Variants in GLO1 observed in about 807,000 individuals in gnomAD.
GLO1 encodes lactoylglutathione lyase.
In GLO1, 28 loss-of-function variants were observed where a neutral mutation model predicts 26.0. The ratio of observed to expected loss-of-function variants is 1.08; its 90% confidence interval spans 0.80 to 1.48. The LOEUF is 1.48. Ranked by LOEUF, GLO1 falls within the 40% of genes most tolerant of loss-of-function variation. The probability of loss-of-function intolerance (pLI) is 0.00; values close to 1 mark genes in which losing one functional copy is unlikely to be tolerated. For synonymous variants in GLO1, 78 were observed against 77.6 expected (o/e 1.00, Z -0.03); for missense variants, 225 against 224.8 (o/e 1.00, Z -0.01).
At chr6:38,697,765 A>C (rs1761632895) in intron 1 of GLO1, among the ~76,000 whole-genome samples, 1 of 152,242 alleles carries the variant, frequency 6.6e-6, no homozygotes, top group African/African-American at 2.4e-5. Context: ...AAAAGTGAAC[A>C]AAGTGGTTTT....
Position 38,681,905 on chromosome 6 carries a change from C to T in GLO1, c.466+107G>A. ...TTTAAAACTCTGGTTGAAGTGGAGA[C>T]TTCTGTTACTTGTAGCCAAAAGGGT... On this transcript the variant is annotated intron_variant, in intron 5 of 5. Coordinates refer to ENST00000373365, the MANE Select transcript of GLO1 (RefSeq NM_006708.3). 5 of 691,358 alleles carry T rather than the reference C, an allele frequency of 7.2e-6. No homozygotes were observed. The South Asian group carries it at 8.7e-5, about 12-fold the overall frequency. 42.8% of individuals were successfully genotyped at this position (691,358 alleles called of 1,614,324 possible).
At chr6:38,679,458 G>T (rs925695136) in intron 5 of GLO1, among the ~76,000 whole-genome samples, 1 of 152,050 alleles carries the variant, frequency 6.6e-6, no homozygotes, top group African/African-American at 2.4e-5. Flanking sequence ...GCAATTACAG[G>T]CATGAGCCAC....
chr6:38,688,403 T>C lies in GLO1; in HGVS notation c.85-1429A>G, dbSNP rs77479798. ...ATATAAAGTCACTCTGTGGCTGCCA[T>C]GATGTGATACCAAAATAAAAAAAAA... On this transcript the variant is annotated intron_variant, in intron 1 of 5. Transcript: ENST00000373365. 4.8e-3 allele frequency among the ~76,000 whole-genome samples: 704 copies of C among 148,138 alleles called. 5 individuals carry two copies. Among genetic ancestry groups the C allele is most frequent in the African/African-American group, 0.016 (642 of 40,346 alleles).
chr6:38,678,906 C>T (rs999005542), intron 5 of GLO1, among the ~76,000 whole-genome samples: 8 of 152,132 alleles, frequency 5.3e-5, no homozygotes, highest in Non-Finnish European at 1.2e-4. Flanking sequence ...GCTTATCCAG[C>T]CCATTGTCCT....
chr6:38,691,247 G>GT (rs916574405), intron 1 of GLO1, among the ~76,000 whole-genome samples: 2 of 151,904 alleles, frequency 1.3e-5, no homozygotes, highest in Admixed American at 6.6e-5. Flanking sequence ...AAATAATAAG[G>GT]TTTTTTTCGG....
chr6:38,692,935 A>T (rs1761552748), intron 1 of GLO1, among the ~76,000 whole-genome samples: 1 of 151,080 alleles, frequency 6.6e-6, no homozygotes, highest in Admixed American at 6.6e-5. Context: ...CTGTTTACTA[A>T]CATTTTGTCA....
At chr6:38,687,089 G>A in intron 1 of GLO1, 115 bp from the exon 2 acceptor site, 1 of 1,468,008 alleles carries the variant, frequency 6.8e-7, no homozygotes, top group South Asian at 1.5e-5. Context: ...CCTACAACTT[G>A]CAAGGGCTCT....
intron 1 of GLO1, among the ~76,000 whole-genome samples, chr6:38,697,563 C>T (rs1287098262): frequency 6.6e-6 from 1 of 152,206 alleles, no homozygotes; most frequent in Non-Finnish European, 1.5e-5. Context: ...AAAGCTATGG[C>T]TTCCTTTCAA....
chr6:38,681,720 G>C (rs78817045), intron 5 of GLO1, among the ~76,000 whole-genome samples: 3 of 152,276 alleles, frequency 2.0e-5, no homozygotes, highest in African/African-American at 7.2e-5. Flanking sequence ...AGTGAAAGCT[G>C]GTGGCCAATG....
At position 38,686,892 on chromosome 6, in the gene GLO1, G is replaced by A. The variant is rs150725457; in HGVS notation, c.167C>T (p.Thr56Met). The A allele has an allele frequency of 5.3e-6, 8 of 1,519,272 alleles. No homozygotes were observed. The highest frequency in any genetic ancestry group is 1.7e-5 in the Admixed American group (1 of 59,680). The allele number at this position is 1,519,272 out of a possible 1,614,324, so 94.1% of individuals were successfully genotyped here. Reference sequence around the variant, plus strand: ...AGGTGCCAATAAGTACTTGACTTACGTCATTCCAAGAACTCTAGTATAAAA... The same window carrying A: ...AGGTGCCAATAAGTACTTGACTTACATCATTCCAAGAACTCTAGTATAAAA... ...LDFYTRVLGM[T>M]LIQKCDFPIM... Residue 56 changes from threonine to methionine, a missense_variant and splice_region_variant, in exon 2 of 6, where the codon ACG (threonine) becomes ATG (methionine). Physicochemically the swap from Thr to Met is moderately conservative, Grantham distance 81. Coordinates refer to ENST00000373365, the MANE Select transcript of GLO1 (RefSeq NM_006708.3).
At chr6:38,694,795 T>C (rs929208429) in intron 1 of GLO1, among the ~76,000 whole-genome samples, 1 of 152,246 alleles carries the variant, frequency 6.6e-6, no homozygotes, top group Non-Finnish European at 1.5e-5. Flanking sequence ...TTTAGTAACA[T>C]ATATTTATGA....
At chr6:38,697,302 G>A (rs1189816603) in intron 1 of GLO1, among the ~76,000 whole-genome samples, 1 of 152,150 alleles carries the variant, frequency 6.6e-6, no homozygotes, top group African/African-American at 2.4e-5. Flanking sequence ...TACTCAAAAC[G>A]GTATCTGTTA....
rs751878828 is a variant in GLO1, at chr6:38,703,005, A to G, written c.50T>C (p.Leu17Pro). 1 of 1,554,192 alleles carries G rather than the reference A, an allele frequency of 6.4e-7. No homozygotes were observed. The highest frequency in any genetic ancestry group is 1.4e-5 in the African/African-American group (1 of 72,512). Residue 17 changes from leucine (L) to proline (P), a missense_variant, in exon 1 of 6, where the codon CTC becomes CCC. Coordinates refer to ENST00000373365, the MANE Select transcript of GLO1 (RefSeq NM_006708.3). ...PSGGLTDEAA[L>P]SCCSDADPST... ...GGGGTCCGCGTCGGAGCAGCAACTGAGGGCGGCCTCGTCCGTGAGGCCGCC... is the reference window on the plus strand; with the variant it reads ...GGGGTCCGCGTCGGAGCAGCAACTGGGGGCGGCCTCGTCCGTGAGGCCGCC...
At chr6:38,685,263 G>C (rs1021544473) in intron 2 of GLO1, among the ~76,000 whole-genome samples, 1 of 152,132 alleles carries the variant, frequency 6.6e-6, no homozygotes, top group African/African-American at 2.4e-5. Context: ...AAATATTCTG[G>C]AACAAAGAAG....
At chr6:38,699,769 G>A (rs112436015) in intron 1 of GLO1, among the ~76,000 whole-genome samples, 2,339 of 152,050 alleles carry the variant, frequency 0.015, 81 homozygotes, top group African/African-American at 0.054. Context: ...TGGTCAGACC[G>A]CTTCTCTGCT....
chr6:38,679,270 G>T (rs1250872109), intron 5 of GLO1, among the ~76,000 whole-genome samples: 1 of 151,902 alleles, frequency 6.6e-6, no homozygotes, highest in Non-Finnish European at 1.5e-5. Context: ...CAGACTACAG[G>T]CATGTGCCAC....
intron 2 of GLO1, among the ~76,000 whole-genome samples, chr6:38,685,315 G>A (rs1482797570): frequency 6.6e-6 from 1 of 152,194 alleles, no homozygotes; most frequent in African/African-American, 2.4e-5. Context: ...AGAAGAGACT[G>A]ATGGGAGAGA....
chr6:38,700,206 T>A (rs13215896), intron 1 of GLO1, among the ~76,000 whole-genome samples: 7 of 152,250 alleles, frequency 4.6e-5, no homozygotes, highest in East Asian at 1.9e-4. Flanking sequence ...TTGGGGTGGG[T>A]TCCCCCCGTA....
At chr6:38,680,947 A>G (rs1201918812) in intron 5 of GLO1, among the ~76,000 whole-genome samples, 8 of 152,224 alleles carry the variant, frequency 5.3e-5, no homozygotes, top group Non-Finnish European at 1.2e-4. Context: ...ACACCGTGAT[A>G]TATTTATTAT....
Sources: allele counts gnomAD v4.1 joint callset (sites outside exome capture counted in the v4.1 genomes callset), GRCh38; gene constraint gnomAD v4.1.1; transcripts MANE v1.5; gene names NCBI Gene and HGNC (gene_info 2026-07-23, HGNC 2026-07-21).